The following POGZ variants were observed in gnomAD, a reference collection of about 807,000 sequenced individuals.
POGZ encodes the protein pogo transposable element derived with ZNF domain.
Under a neutral mutation model 134.6 loss-of-function variants are expected in POGZ, and 17 were observed. That is an observed-to-expected ratio of 0.13 (90% CI 0.09 to 0.19). POGZ has a LOEUF of 0.19. POGZ is among the 10% of genes least tolerant of loss of function. POGZ has a pLI of 1.00. For missense variants in POGZ, 1,306 were observed against 1,769.7 expected (o/e 0.74, Z 4.70); for synonymous variants, 693 against 657.1 (o/e 1.05, Z -0.84).
rs1047242941 is a variant in POGZ at position 151,410,065 on chromosome 1, T to C, written c.1927-1237A>G. Reference sequence around the variant, plus strand: ...GTTTGTGTGCATATGTATGTGACTATTAAGCACACATGCACTCATCTTATT... The same window carrying C: ...GTTTGTGTGCATATGTATGTGACTACTAAGCACACATGCACTCATCTTATT... On this transcript the variant is annotated intron_variant, in intron 12 of 18. Coordinates refer to ENST00000271715, the MANE Select transcript of POGZ (RefSeq NM_015100.4). Among the ~76,000 whole-genome samples the C allele has an allele frequency of 4.6e-5, 7 of 152,206 alleles. No homozygotes were observed. In the South Asian group the frequency reaches 1.4e-3, roughly 31 times the overall value.
rs192113170 is a variant in POGZ at position 151,416,985 on chromosome 1, G to A, written c.1679-4589C>T. 4.1e-4 allele frequency among the ~76,000 whole-genome samples: 63 copies of A among 151,934 alleles called. No individual in the cohort carries two copies. The East Asian group carries it at 8.9e-3, about 22-fold the overall frequency. On this transcript the variant is annotated intron_variant, in intron 10 of 18. Coordinates refer to ENST00000271715, the MANE Select transcript of POGZ (RefSeq NM_015100.4). ...TCACAATTAAATATAATGATCCACT[G>A]ATATTCTGGGGACAACTCAGAAAAT...
intron 5 of POGZ, among the ~76,000 whole-genome samples, chr1:151,428,916 G>T (rs561200214): frequency 8.5e-5 from 13 of 152,134 alleles, no homozygotes; most frequent in African/African-American, 2.9e-4. Flanking sequence ...GAAAAATAAA[G>T]AAATGCCAGG....
Position 151,442,209 on chromosome 1 carries a change from T to A in POGZ, c.-1-4A>T. The A allele has an allele frequency of 6.2e-7, 1 of 1,609,660 alleles. No individual in the cohort carries two copies. Among genetic ancestry groups the A allele is most frequent in the African/African-American group, 1.3e-5 (1 of 74,724 alleles). ...GAACAGGTCGGTGTCCGCCATGCTATAAGAAAAACATTCAAATAAGATATG... is the reference window on the plus strand; with the variant it reads ...GAACAGGTCGGTGTCCGCCATGCTAAAAGAAAAACATTCAAATAAGATATG... On this transcript the variant is annotated splice_polypyrimidine_tract_variant and splice_region_variant and intron_variant, in intron 1 of 18. Coordinates refer to ENST00000271715, the MANE Select transcript of POGZ (RefSeq NM_015100.4).
intron 5 of POGZ, among the ~76,000 whole-genome samples, chr1:151,428,954 G>A (rs1658233602): frequency 2.0e-5 from 3 of 151,966 alleles, no homozygotes; most frequent in African/African-American, 7.3e-5. Context: ...AAACCCCTAT[G>A]GGCTACGAGA....
chr1:151,442,710 CAAAA>C (rs1277790279), intron 1 of POGZ, among the ~76,000 whole-genome samples: 1 of 99,172 alleles, frequency 1.0e-5, no homozygotes, highest in Non-Finnish European at 1.9e-5. Context: ...GACTCTGTCT[CAAAA>C]AAAAAAAAAA....
chr1:151,429,092 A>C (rs933941103), intron 5 of POGZ, among the ~76,000 whole-genome samples: 2 of 151,240 alleles, frequency 1.3e-5, no homozygotes, highest in Admixed American at 6.6e-5. Context: ...GAAAATTCTA[A>C]GATTTTAAAA....
chr1:151,427,770 TTTA>T, intron 7 of POGZ, 50 bp downstream of exon 7: 1 of 1,154,274 alleles, frequency 8.7e-7, no homozygotes, highest in South Asian at 1.3e-5. Context: ...CAACAAACAC[TTTA>T]TTAATGTTTT....
At chr1:151,435,380 G>A (rs1359042565) in intron 3 of POGZ, among the ~76,000 whole-genome samples, 1 of 152,110 alleles carries the variant, frequency 6.6e-6, no homozygotes, top group African/African-American at 2.4e-5. Context: ...TTTCTTTCCT[G>A]TGCAAACATA....
In POGZ at chr1:151,430,791, T is replaced by G; in HGVS notation, c.334A>C (p.Asn112His). 6.3e-7 allele frequency: 1 copy of G among 1,597,280 alleles called. No individual in the cohort carries two copies. Among genetic ancestry groups the G allele is most frequent in the Non-Finnish European group, 8.5e-7 (1 of 1,173,410 alleles). ...ATTGTGCCCAGACCTGGGGCTGGAT[T>G]CTGGGTCAGGATGAGTGGCTGTCCA... ...QGGQPLILTQ[N>H]PAPGLGTMVT... The change falls in exon 4 of 19, where the codon AAT (asparagine) becomes CAT (histidine). Residue 112 changes from asparagine to histidine, a missense_variant. Coordinates refer to ENST00000271715, the MANE Select transcript of POGZ (RefSeq NM_015100.4).
intron 5 of POGZ, among the ~76,000 whole-genome samples, chr1:151,428,827 C>G (rs1001827739): frequency 6.6e-6 from 1 of 152,188 alleles, no homozygotes; most frequent in African/African-American, 2.4e-5. Context: ...TCTATCAACT[C>G]AGAAGACAGA....
chr1:151,423,195 C>T (rs542535530), intron 10 of POGZ, among the ~76,000 whole-genome samples: 1 of 152,180 alleles, frequency 6.6e-6, no homozygotes, highest in South Asian at 2.1e-4. Context: ...ACACTGAACT[C>T]AATCCATGCT....
At chr1:151,424,563 A>T (rs553068197) in intron 8 of POGZ, 148 of 342,864 alleles carry the variant, frequency 4.3e-4, no homozygotes, top group African/African-American at 3.0e-3. Flanking sequence ...GCAAAGAAGA[A>T]GTTCCAACCT....
At chr1:151,417,263 C>T (rs1238699707) in intron 10 of POGZ, among the ~76,000 whole-genome samples, 1 of 151,050 alleles carries the variant, frequency 6.6e-6, no homozygotes, top group African/African-American at 2.4e-5. Flanking sequence ...GGAGTTTCAC[C>T]ATGTTGTCTG....
chr1:151,412,416 C>T lies in POGZ; in HGVS notation c.1679-20G>A. 2.2e-6 allele frequency: 3 copies of T among 1,333,756 alleles called. No individual in the cohort carries two copies. The highest frequency in any genetic ancestry group is 3.2e-6 in the Non-Finnish European group (3 of 931,730). 82.6% of individuals were successfully genotyped at this position (1,333,756 alleles called of 1,614,324 possible). On this transcript the variant is annotated intron_variant, in intron 10 of 18. Coordinates refer to ENST00000271715, the MANE Select transcript of POGZ (RefSeq NM_015100.4). ...ACTTGGCTGTAAGAAGAAAAGTAAT[C>T]AATAAATCCACTTGAAAATAAGACA...
chr1:151,433,249 A>G (rs1294011594), intron 3 of POGZ, among the ~76,000 whole-genome samples: 1 of 152,238 alleles, frequency 6.6e-6, no homozygotes, highest in Non-Finnish European at 1.5e-5. Flanking sequence ...GAATTTTAAC[A>G]GCATTTTCTG....
intron 2 of POGZ, among the ~76,000 whole-genome samples, chr1:151,441,778 C>T (rs1660572703): frequency 6.6e-6 from 1 of 152,228 alleles, no homozygotes; most frequent in African/African-American, 2.4e-5. Context: ...GACACACACA[C>T]ACCACCACTT....
At chr1:151,440,379 A>G (rs1446674895) in intron 3 of POGZ, among the ~76,000 whole-genome samples, 1 of 152,122 alleles carries the variant, frequency 6.6e-6, no homozygotes, top group Admixed American at 6.5e-5. Context: ...TTAGGAGTGT[A>G]GAAATAGACA....
At chr1:151,458,307 C>T (rs1663013056) in intron 1 of POGZ, among the ~76,000 whole-genome samples, 1 of 151,880 alleles carries the variant, frequency 6.6e-6, no homozygotes, top group South Asian at 2.1e-4. Flanking sequence ...AAACATGGCG[C>T]CCACCGCGGC....
chr1:151,455,902 T>TC (rs1662714879), intron 1 of POGZ, among the ~76,000 whole-genome samples: 3 of 147,636 alleles, frequency 2.0e-5, no homozygotes, highest in African/African-American at 7.4e-5. Context: ...TTCTTTTTTT[T>TC]TTTTTTTTTT....
Sources: allele counts gnomAD v4.1 joint callset (sites outside exome capture counted in the v4.1 genomes callset), GRCh38; gene constraint gnomAD v4.1.1; transcripts MANE v1.5; gene names NCBI Gene and HGNC (gene_info 2026-07-23, HGNC 2026-07-21).